The following MPP7 variants were observed in gnomAD, a reference collection of about 807,000 sequenced individuals.
MPP7 encodes the protein MAGUK p55 scaffold protein 7, also known as MAGUK p55 subfamily member 7.
A neutral mutation model predicts 76.5 loss-of-function variants in MPP7; 60 were observed. That is an observed-to-expected ratio of 0.78 (90% CI 0.64 to 0.97). The LOEUF is 0.97. Ranked by LOEUF, MPP7 falls within the 50% of genes least tolerant of loss-of-function variation. The probability of loss-of-function intolerance (pLI) is 0.00; values close to 1 mark genes in which losing one functional copy is unlikely to be tolerated. For missense variants in MPP7, 641 were observed against 694.0 expected (o/e 0.92, Z 0.86); for synonymous variants, 237 against 244.5 (o/e 0.97, Z 0.29).
chr10:28,317,496 A>G (rs1309088202), intron 2 of MPP7, among the ~76,000 whole-genome samples: 2 of 152,224 alleles, frequency 1.3e-5, no homozygotes, highest in African/African-American at 4.8e-5. Flanking sequence ...ATACCATTGC[A>G]TCCCAGGCTG....
chr10:28,182,852 T>G (rs1588893927), intron 3 of MPP7, among the ~76,000 whole-genome samples: 1 of 152,074 alleles, frequency 6.6e-6, no homozygotes, highest in Non-Finnish European at 1.5e-5. Flanking sequence ...CCAAGGCGGG[T>G]GGATCACCTG....
intron 3 of MPP7, among the ~76,000 whole-genome samples, chr10:28,183,897 C>T (rs1269059540): frequency 6.6e-6 from 1 of 152,098 alleles, no homozygotes; most frequent in Non-Finnish European, 1.5e-5. Context: ...GCATGGAACA[C>T]AGCTAACAGA....
At chr10:28,332,068 TG>T (rs1438831632) in intron 1 of MPP7, among the ~76,000 whole-genome samples, 1 of 152,208 alleles carries the variant, frequency 6.6e-6, no homozygotes, top group Non-Finnish European at 1.5e-5. Flanking sequence ...TTTATTCAGC[TG>T]TGGTACTGGT....
At chr10:28,209,865 AAG>A (rs1476562645) in intron 2 of MPP7, among the ~76,000 whole-genome samples, 1 of 152,236 alleles carries the variant, frequency 6.6e-6, no homozygotes, top group Non-Finnish European at 1.5e-5. Flanking sequence ...ATGTTTCCGA[AAG>A]AGATTATCCT....
intron 12 of MPP7, among the ~76,000 whole-genome samples, chr10:28,082,648 T>C (rs1852818244): frequency 6.6e-6 from 1 of 152,142 alleles, no homozygotes; most frequent in South Asian, 2.1e-4. Flanking sequence ...GTTTTGTTTT[T>C]TATAAAGATG....
chr10:28,155,236 C>G (rs185501409), intron 3 of MPP7, among the ~76,000 whole-genome samples: 1 of 151,834 alleles, frequency 6.6e-6, no homozygotes, highest in Admixed American at 6.6e-5. Context: ...AGGAAAATAC[C>G]CAAATACAGA....
intron 1 of MPP7, among the ~76,000 whole-genome samples, chr10:28,299,766 C>CTTTTTTTTTT (rs59047415): frequency 3.9e-4 from 52 of 132,720 alleles, no homozygotes; most frequent in African/African-American, 1.3e-3. Flanking sequence ...AAATTCAAGA[C>CTTTTTTTTTT]TTTTTTTTTT....
At chr10:28,070,590 G>A (rs1010388110) in intron 12 of MPP7, among the ~76,000 whole-genome samples, 2 of 152,152 alleles carry the variant, frequency 1.3e-5, no homozygotes, top group African/African-American at 4.8e-5. Flanking sequence ...TTTTACATCT[G>A]CTAAACAATC....
At chr10:28,167,192 T>C (rs974747408) in intron 3 of MPP7, among the ~76,000 whole-genome samples, 6 of 151,942 alleles carry the variant, frequency 3.9e-5, no homozygotes, top group African/African-American at 1.5e-4. Context: ...GCACCTGTAA[T>C]CCCAGCTACT....
At chr10:28,179,961 C>G (rs1483640225) in intron 3 of MPP7, among the ~76,000 whole-genome samples, 1 of 151,892 alleles carries the variant, frequency 6.6e-6, no homozygotes, top group Non-Finnish European at 1.5e-5. Context: ...GAAATGAAAA[C>G]AATGAGGAAG....
At chr10:28,305,832 G>A (rs949460515), upstream of MPP7, 1 of 152,176 alleles carries the variant, frequency 6.6e-6, no homozygotes, top group African/African-American at 2.4e-5. Context: ...TGAATGCTTG[G>A]GAGCTGAGCA....
intron 3 of MPP7, among the ~76,000 whole-genome samples, chr10:28,167,780 T>C (rs1376380508): frequency 6.6e-6 from 1 of 152,192 alleles, no homozygotes; most frequent in Admixed American, 6.5e-5. Flanking sequence ...TTTTCTAAAA[T>C]GGTGTTATCT....
intron 13 of MPP7, among the ~76,000 whole-genome samples, chr10:28,064,833 A>G (rs1851928458): frequency 6.6e-6 from 1 of 152,098 alleles, no homozygotes. Context: ...GAAATGTCAC[A>G]CTCTTTACAG....
intron 3 of MPP7, among the ~76,000 whole-genome samples, chr10:28,201,737 T>C (rs1837778613): frequency 6.6e-6 from 1 of 152,216 alleles, no homozygotes. Context: ...CAGTTGACTT[T>C]GTTAAAGGAA....
chr10:28,115,234 C>G (rs564714737), intron 11 of MPP7, among the ~76,000 whole-genome samples: 1 of 152,180 alleles, frequency 6.6e-6, no homozygotes, highest in African/African-American at 2.4e-5. Flanking sequence ...TCCCGAGTAG[C>G]TGGGATTACA....
intron 2 of MPP7, among the ~76,000 whole-genome samples, chr10:28,325,323 A>G (rs1834401237): frequency 6.6e-6 from 1 of 152,114 alleles, no homozygotes; most frequent in South Asian, 2.1e-4. Context: ...AATAGCAGAT[A>G]TCTAGGGAAT....
At chr10:28,280,530 T>G (rs79335199) in intron 1 of MPP7, among the ~76,000 whole-genome samples, 68 of 152,190 alleles carry the variant, frequency 4.5e-4, no homozygotes, top group Non-Finnish European at 8.4e-4. Flanking sequence ...GCAGAACCCA[T>G]GCATACAGGG....
At chr10:28,241,401 T>G (rs1286886753) in intron 1 of MPP7, among the ~76,000 whole-genome samples, 1 of 152,178 alleles carries the variant, frequency 6.6e-6, no homozygotes, top group South Asian at 2.1e-4. Context: ...TCAGACCATA[T>G]ACAAGCATAT....
At chr10:28,279,270 T>G (rs893400976) in intron 1 of MPP7, among the ~76,000 whole-genome samples, 3 of 152,020 alleles carry the variant, frequency 2.0e-5, no homozygotes, top group East Asian at 3.8e-4. Flanking sequence ...AATCCATGCC[T>G]TCCTTCCTAA....
Sources: gnomAD v4.1 joint callset for allele counts (sites outside exome capture counted in the v4.1 genomes callset) on GRCh38, gnomAD v4.1.1 for gene constraint, MANE v1.5 for transcripts, NCBI Gene and HGNC (gene_info 2026-07-23, HGNC 2026-07-21) for gene names.